CFAP92: variants seen among roughly 807,000 people sequenced by gnomAD.
CFAP92 encodes uncharacterized protein CFAP92.
In CFAP92, 86 loss-of-function variants were observed where a neutral mutation model predicts 106.3. The observed-to-expected ratio is 0.81, with a 90% CI of 0.68 to 0.97. The LOEUF is 0.97. Among genes scored for constraint, CFAP92 ranks in the 50% least tolerant of loss-of-function variants. CFAP92 has a pLI of 0.00. For missense variants in CFAP92, 1,204 were observed against 1,283.8 expected (o/e 0.94, Z 0.95); for synonymous variants, 477 against 506.4 (o/e 0.94, Z 0.78).
In CFAP92 at chr3:128,931,411, C is replaced by T. The variant is rs560164023; in HGVS notation, c.2751+1289G>A. On this transcript the variant is annotated intron_variant, in intron 12 of 15. Coordinates refer to ENST00000645291, the MANE Select transcript of CFAP92 (RefSeq NM_001394090.1). ...GAACTCCTGAGCTTAAGCAACCTGC[C>T]CACCTCGGCCTCCCAAAGTGGTATG... Among the ~76,000 whole-genome samples, 13 of 150,424 alleles carry T rather than the reference C, an allele frequency of 8.6e-5. No homozygotes were observed. The South Asian group carries it at 2.7e-3, about 31-fold the overall frequency.
rs114459105 is a variant in CFAP92, at chr3:128,975,880, G to C, written c.920C>G (p.Thr307Ser). The C allele has an allele frequency of 3.9e-3, 6,302 of 1,608,556 alleles. 210 individuals are homozygous for C. In the African/African-American group the frequency reaches 0.072, roughly 18 times the overall value. ...CATGCTTGCTCCTGCCAAAGAAATG[G>C]TTGGTGTTCTTGAAACACTCCATCT... ...TIQWSVSRTPTISLAGASMME... is the reference protein window; with the variant it reads ...TIQWSVSRTPSISLAGASMME... The change falls in exon 7 of 16, where the codon ACC becomes AGC. Residue 307 changes from threonine to serine, a missense_variant. Transcript: ENST00000645291.
At chr3:128,910,709 G>A (rs1936191610) in intron 15 of CFAP92, 2 of 1,612,488 alleles carry the variant, frequency 1.2e-6, no homozygotes, top group East Asian at 4.5e-5. Context: ...CCAGGAATTT[G>A]GGCATATCTT....
chr3:128,940,713 A>G (rs1939537036), intron 10 of CFAP92, among the ~76,000 whole-genome samples: 1 of 152,118 alleles, frequency 6.6e-6, no homozygotes, highest in African/African-American at 2.4e-5. Context: ...CTCTGAACCA[A>G]TACCACACTA....
In CFAP92 at chr3:128,993,979, C is replaced by A. The variant is rs1015559205; in HGVS notation, c.-33+1G>T. 13 of 987,272 alleles carry A rather than the reference C, an allele frequency of 1.3e-5. No individual in the cohort carries two copies. The highest frequency in any genetic ancestry group is 5.1e-4 in the Middle Eastern group (1 of 1,942). The allele number at this position is 987,272 out of a possible 1,614,324, so 61.2% of individuals were successfully genotyped here. On this transcript the variant is annotated splice_donor_variant, in intron 1 of 15. Coordinates refer to ENST00000645291, the MANE Select transcript of CFAP92 (RefSeq NM_001394090.1). LOFTEE classifies it low-confidence loss of function (5UTR_SPLICE). ...GGTTCCCCTCCAGGTGCTGGCGGTA[C>A]CTGCGAGCGGATGCGCTGGGCGGCA...
chr3:128,936,543 C>G (rs1344408546), intron 10 of CFAP92, among the ~76,000 whole-genome samples: 2 of 152,136 alleles, frequency 1.3e-5, no homozygotes, highest in African/African-American at 4.8e-5. Flanking sequence ...CGTAGCACTG[C>G]TCCAGGAATG....
At chr3:128,985,802 C>A (rs1943817556) in intron 4 of CFAP92, among the ~76,000 whole-genome samples, 1 of 152,176 alleles carries the variant, frequency 6.6e-6, no homozygotes, top group Admixed American at 6.5e-5. Flanking sequence ...ACACTGGAAG[C>A]CTACGACTTG....
intron 12 of CFAP92, among the ~76,000 whole-genome samples, chr3:128,923,226 C>T (rs548130969): frequency 1.3e-5 from 2 of 152,266 alleles, no homozygotes; most frequent in East Asian, 3.9e-4. Flanking sequence ...GGGACCCAAC[C>T]ATGGAGGGGG....
intron 1 of CFAP92, 188 bp downstream of exon 1, chr3:128,993,792 G>A (rs1218856634): frequency 2.5e-6 from 1 of 404,846 alleles, no homozygotes; most frequent in Non-Finnish European, 3.7e-6. Flanking sequence ...GGCAAGCCCT[G>A]TCCCCAAGAC....
chr3:129,003,792 A>C, upstream of CFAP92: 1 of 1,448,502 alleles, frequency 6.9e-7, no homozygotes, highest in South Asian at 1.3e-5. Flanking sequence ...CTGTCCCCGC[A>C]GGTCGGACTC....
upstream of CFAP92, among the ~76,000 whole-genome samples, chr3:128,995,990 CAA>C (rs2107832546): frequency 6.6e-6 from 1 of 152,314 alleles, no homozygotes; most frequent in South Asian, 2.1e-4. Flanking sequence ...CTGGCTCAGT[CAA>C]AAGAGTGCAG....
chr3:128,912,511 T>C, intron 15 of CFAP92: 1 of 1,613,548 alleles, frequency 6.2e-7, no homozygotes, highest in Non-Finnish European at 8.5e-7. Context: ...TCCCAGATGC[T>C]CCAGAAAACC....
intron 9 of CFAP92, among the ~76,000 whole-genome samples, chr3:128,958,926 C>G (rs989469066): frequency 1.3e-5 from 2 of 151,046 alleles, no homozygotes; most frequent in Non-Finnish European, 3.0e-5. Context: ...AAAAAGGAGA[C>G]AAGGTTGGAC....
At position 128,910,005 on chromosome 3, in the gene CFAP92, G is replaced by C; in HGVS notation, c.*294C>G. ...TCTAGGTAGTGAGTCCCCACTTGGA[G>C]CCTCTGTGATCCCAGACCATCATGG... On this transcript the variant is annotated 3_prime_UTR_variant, in exon 16 of 16. Transcript: ENST00000645291. The C allele has an allele frequency of 6.2e-7, 1 of 1,612,750 alleles. No individual in the cohort carries two copies. Among genetic ancestry groups the C allele is most frequent in the Non-Finnish European group, 8.5e-7 (1 of 1,179,682 alleles).
intron 12 of CFAP92, among the ~76,000 whole-genome samples, chr3:128,923,324 T>A (rs948327592): frequency 2.6e-5 from 4 of 152,112 alleles, no homozygotes; most frequent in African/African-American, 9.7e-5. Flanking sequence ...TCAACCCCCA[T>A]AACATGGGGG....
chr3:129,019,366 A>G, the CFAP92 span, among the ~76,000 whole-genome samples: 1 of 152,202 alleles, frequency 6.6e-6, no homozygotes, highest in South Asian at 2.1e-4. Context: ...AGGGCTGGCT[A>G]CCTTCACTCA....
intron 10 of CFAP92, among the ~76,000 whole-genome samples, chr3:128,940,705 C>G (rs969071284): frequency 1.3e-5 from 2 of 152,136 alleles, no homozygotes; most frequent in African/African-American, 4.8e-5. Context: ...TTGTCTATCT[C>G]TGAACCAATA....
intron 10 of CFAP92, among the ~76,000 whole-genome samples, chr3:128,942,213 G>A (rs1939703227): frequency 6.6e-6 from 1 of 152,196 alleles, no homozygotes; most frequent in African/African-American, 2.4e-5. Flanking sequence ...TACAGGGAAA[G>A]AATACAGACT....
chr3:128,959,745 C>T (rs182892966), intron 9 of CFAP92, among the ~76,000 whole-genome samples: 44 of 152,330 alleles, frequency 2.9e-4, no homozygotes, highest in Admixed American at 5.9e-4. Flanking sequence ...GGACTGGTCA[C>T]ACCTAATCCC....
intron 12 of CFAP92, among the ~76,000 whole-genome samples, chr3:128,924,066 G>A (rs112317034): frequency 1.1e-4 from 16 of 152,276 alleles, no homozygotes; most frequent in South Asian, 4.1e-4. Flanking sequence ...GACAGCTGCC[G>A]TCGAGAACAA....
Sources: allele counts gnomAD v4.1 joint callset (sites outside exome capture counted in the v4.1 genomes callset), GRCh38; gene constraint gnomAD v4.1.1; transcripts MANE v1.5; gene names NCBI Gene and HGNC (gene_info 2026-07-23, HGNC 2026-07-21).